The following ETFRF1 variants were observed in gnomAD, a reference collection of about 807,000 sequenced individuals.
ETFRF1 encodes electron transfer flavoprotein regulatory factor 1.
A neutral mutation model predicts 9.0 loss-of-function variants in ETFRF1; 12 were observed. That is an observed-to-expected ratio of 1.34 (90% CI 0.86 to 2.16). ETFRF1 has a LOEUF of 2.16. Among genes scored for constraint, ETFRF1 ranks in the 30% most tolerant of loss-of-function variants. The pLI is 0.00. For synonymous variants in ETFRF1, 34 were observed against 33.2 expected, an observed-to-expected ratio of 1.02 and a Z score of -0.08; for missense variants, 98 against 101.8, an observed-to-expected ratio of 0.96 and a Z score of 0.16.
At chr12:25,195,639 G>T in intron 1 of ETFRF1, 1 of 164,038 alleles carries the variant, frequency 6.1e-6, no homozygotes, top group Non-Finnish European at 1.3e-5. Context: ...TGGCTCCAGA[G>T]GGTTGGTTAT....
At chr12:25,196,875 C>T (rs182623378) in intron 1 of ETFRF1, among the ~76,000 whole-genome samples, 84 of 152,254 alleles carry the variant, frequency 5.5e-4, no homozygotes, top group Admixed American at 1.1e-3. Context: ...AACTGCATTG[C>T]CTGGTGTGGT....
rs1331940107 is a variant in ETFRF1 at position 25,204,397 on chromosome 12, A to C, written c.*85A>C. 3.5e-6 allele frequency: 4 copies of C among 1,143,738 alleles called. No individual in the cohort carries two copies. Among genetic ancestry groups the C allele is most frequent in the Non-Finnish European group, 4.8e-6 (4 of 841,220 alleles). 70.8% of individuals were successfully genotyped at this position (1,143,738 alleles called of 1,614,324 possible). A position where few individuals can be genotyped will look rare whatever the true frequency, so the allele number is the denominator to read the frequency against. ...AATAATTCTAACTTAAAATGGGAAG[A>C]TATACATGTTGTGTAAAAAATCCCT... On this transcript the variant is annotated 3_prime_UTR_variant, in exon 3 of 3. Coordinates refer to ENST00000381356, the MANE Select transcript of ETFRF1 (RefSeq NM_001001660.3).
intron 1 of ETFRF1, among the ~76,000 whole-genome samples, chr12:25,197,653 G>C (rs1288384152): frequency 2.0e-5 from 3 of 151,956 alleles, no homozygotes; most frequent in African/African-American, 4.8e-5. Context: ...TTTTAGTAGA[G>C]ACAAGGTCTC....
In ETFRF1 at chr12:25,204,103, G is replaced by C. The variant is rs1484283351; in HGVS notation, c.64G>C (p.Gly22Arg). 8.8e-6 allele frequency: 14 copies of C among 1,585,542 alleles called. No homozygotes were observed. The highest frequency in any genetic ancestry group is 1.2e-5 in the Non-Finnish European group (14 of 1,164,068). ...TTTCTTTTTGAAGCTGCTGTATCTT[G>C]GACGAGACTATCCAAAAGGAGCAGA... Reference protein sequence around the residue: ...LKLYKNLLYLGRDYPKGADYF... With the variant: ...LKLYKNLLYLRRDYPKGADYF... The change falls in exon 3 of 3, where the codon GGA (glycine) becomes CGA (arginine). Residue 22 changes from glycine to arginine, a missense_variant. By Grantham distance (125) the Gly-to-Arg change is moderately radical. Transcript: ENST00000381356.
rs1223734287 is a variant in ETFRF1, at chr12:25,205,079, A to C, written c.*767A>C. 2 of 214,310 alleles carry C rather than the reference A, an allele frequency of 9.3e-6. No homozygotes were observed. The highest frequency in any genetic ancestry group is 1.4e-4 in the East Asian group (2 of 14,332). The allele number at this position is 214,310 out of a possible 1,614,324, so 13.3% of individuals were successfully genotyped here. A position where few individuals can be genotyped will look rare whatever the true frequency, so the allele number is the denominator to read the frequency against. On this transcript the variant is annotated 3_prime_UTR_variant, in exon 3 of 3. Transcript: ENST00000381356. The stretch of plus-strand genomic sequence containing the variant: ...TCTAAATATGGTTTTAAGTTTAAGC[A>C]AACACGCCTTTACATAATATCCACA...
intron 1 of ETFRF1, among the ~76,000 whole-genome samples, chr12:25,198,019 C>A (rs940554417): frequency 6.6e-6 from 1 of 152,054 alleles, no homozygotes; most frequent in African/African-American, 2.4e-5. Flanking sequence ...CTTAGCACAC[C>A]AGAAAAACCC....
In ETFRF1 at chr12:25,204,363, A is replaced by C. The variant is rs888194624; in HGVS notation, c.*51A>C. On this transcript the variant is annotated 3_prime_UTR_variant, in exon 3 of 3. Coordinates refer to ENST00000381356, the MANE Select transcript of ETFRF1 (RefSeq NM_001001660.3). ...AGTGCCAGCTGTTTATGTATACCAGATGTTGTAAAATAATTCTAACTTAAA... is the reference window on the plus strand; with the variant it reads ...AGTGCCAGCTGTTTATGTATACCAGCTGTTGTAAAATAATTCTAACTTAAA... The C allele has an allele frequency of 1.1e-4, 144 of 1,355,598 alleles. No individual in the cohort carries two copies. Among genetic ancestry groups the C allele is most frequent in the Admixed American group, 4.2e-4 (16 of 38,486 alleles). 84.0% of individuals were successfully genotyped at this position (1,355,598 alleles called of 1,614,324 possible). A position where few individuals can be genotyped will look rare whatever the true frequency, so the allele number is the denominator to read the frequency against.
At chr12:25,201,270 C>CA (rs1262817140) in intron 1 of ETFRF1, among the ~76,000 whole-genome samples, 1 of 152,198 alleles carries the variant, frequency 6.6e-6, no homozygotes, top group Non-Finnish European at 1.5e-5. Context: ...GCCCAGTATT[C>CA]ACTCATGACA....
In ETFRF1 at chr12:25,204,128, A is replaced by G. The variant is rs534127550; in HGVS notation, c.89A>G (p.Asp30Gly). ...GGACGAGACTATCCAAAAGGAGCAGACTATTTTAAAAAGCGTTTGAAGAAC... is the reference window on the plus strand; with the variant it reads ...GGACGAGACTATCCAAAAGGAGCAGGCTATTTTAAAAAGCGTTTGAAGAAC... ...YLGRDYPKGA[D>G]YFKKRLKNIF... Residue 30 changes from aspartate (D) to glycine (G), a missense_variant, in exon 3 of 3, where the codon GAC becomes GGC. Coordinates refer to ENST00000381356, the MANE Select transcript of ETFRF1 (RefSeq NM_001001660.3). 121 of 1,604,502 alleles carry G rather than the reference A, an allele frequency of 7.5e-5. 1 individual carries two copies. The Middle Eastern group carries it at 2.5e-3, about 33-fold the overall frequency.
chr12:25,199,021 T>C (rs1951053045), intron 1 of ETFRF1, among the ~76,000 whole-genome samples: 1 of 152,186 alleles, frequency 6.6e-6, no homozygotes, highest in Admixed American at 6.5e-5. Flanking sequence ...TCAGCATCTC[T>C]TAGCTCTGTT....
intron 1 of ETFRF1, among the ~76,000 whole-genome samples, chr12:25,201,238 C>A (rs1300938723): frequency 6.6e-6 from 1 of 152,192 alleles, no homozygotes; most frequent in East Asian, 1.9e-4. Context: ...TTTGATCTTT[C>A]CACATGCTTC....
intron 1 of ETFRF1, among the ~76,000 whole-genome samples, chr12:25,197,547 C>G (rs1951040658): frequency 6.6e-6 from 1 of 152,158 alleles, no homozygotes; most frequent in Non-Finnish European, 1.5e-5. Context: ...TCACTACAGC[C>G]TCAACCTCCT....
intron 1 of ETFRF1, among the ~76,000 whole-genome samples, chr12:25,200,323 G>A (rs1348618491): frequency 1.3e-5 from 2 of 152,144 alleles, no homozygotes; most frequent in African/African-American, 4.8e-5. Context: ...GAAAATGGAG[G>A]AGGGAGGAAA....
In ETFRF1 at chr12:25,204,889, T is replaced by TAAC. The variant is rs1951116881; in HGVS notation, c.*578_*580dup. On this transcript the variant is annotated 3_prime_UTR_variant, in exon 3 of 3. Transcript: ENST00000381356. ...TGCTGGTGACTGGCATTAACATACA[T>TAAC]AACTAACTATTCAATTATTTCCATT... The TAAC allele has an allele frequency of 5.0e-6, 1 of 199,362 alleles. No individual in the cohort carries two copies. The highest frequency in any genetic ancestry group is 2.3e-5 in the African/African-American group (1 of 43,488). 12.3% of individuals were successfully genotyped at this position (199,362 alleles called of 1,614,324 possible). A position where few individuals can be genotyped will look rare whatever the true frequency, so the allele number is the denominator to read the frequency against.
chr12:25,195,758 G>A (rs1212850764), intron 1 of ETFRF1: 3 of 152,658 alleles, frequency 2.0e-5, no homozygotes, highest in Non-Finnish European at 4.4e-5. Context: ...TGAAAATGAA[G>A]CAATTCCTGG....
intron 1 of ETFRF1, among the ~76,000 whole-genome samples, chr12:25,197,061 C>T (rs938845903): frequency 1.3e-5 from 2 of 151,598 alleles, no homozygotes; most frequent in African/African-American, 4.9e-5. Flanking sequence ...GAGGCTGAGA[C>T]GGGAATCGCT....
At chr12:25,199,820 A>G (rs1011464322) in intron 1 of ETFRF1, among the ~76,000 whole-genome samples, 1 of 152,176 alleles carries the variant, frequency 6.6e-6, no homozygotes, top group Non-Finnish European at 1.5e-5. Context: ...CTATGCTGAG[A>G]GCAATCTGAG....
chr12:25,201,141 G>A (rs1169981999), intron 1 of ETFRF1, among the ~76,000 whole-genome samples: 1 of 152,140 alleles, frequency 6.6e-6, no homozygotes, highest in Non-Finnish European at 1.5e-5. Flanking sequence ...GCTGATGTTG[G>A]GCGTTGGTGA....
intron 1 of ETFRF1, among the ~76,000 whole-genome samples, chr12:25,198,018 C>T (rs907766413): frequency 2.6e-5 from 4 of 152,146 alleles, no homozygotes; most frequent in Admixed American, 1.3e-4. Context: ...ACTTAGCACA[C>T]CAGAAAAACC....
Sources: gnomAD v4.1 joint callset for allele counts (sites outside exome capture counted in the v4.1 genomes callset) on GRCh38, gnomAD v4.1.1 for gene constraint, MANE v1.5 for transcripts, NCBI Gene and HGNC (gene_info 2026-07-23, HGNC 2026-07-21) for gene names.